Variants in TBCD observed in about 807,000 individuals in gnomAD.
TBCD encodes the protein tubulin folding cofactor D.
TBCD carries 105 observed loss-of-function variants against 169.3 expected under a neutral mutation model. The ratio of observed to expected loss-of-function variants is 0.62; its 90% CI spans 0.53 to 0.73. TBCD has a LOEUF of 0.73. Among genes scored for constraint, TBCD ranks in the 30% least tolerant of loss-of-function variants. TBCD has a pLI of 0.00. For synonymous variants in TBCD, 700 were observed against 643.9 expected (o/e 1.09, Z -1.32); for missense variants, 1,444 against 1,600.1 (o/e 0.90, Z 1.66).
At chr17:82,867,933 C>G (rs868714482) in intron 13 of TBCD, among the ~76,000 whole-genome samples, 1 of 152,098 alleles carries the variant, frequency 6.6e-6, no homozygotes, top group Non-Finnish European at 1.5e-5. Flanking sequence ...GAGCACAGGT[C>G]CCCCAGGGGG....
rs1295887039 is a variant in TBCD, at chr17:82,864,968, A to G, written c.1319-5256A>G. 6.6e-6 allele frequency among the ~76,000 whole-genome samples: 1 copy of G among 152,150 alleles called. No individual in the cohort carries two copies. Among genetic ancestry groups the G allele is most frequent in the Non-Finnish European group, 1.5e-5 (1 of 68,032 alleles). On this transcript the variant is annotated intron_variant, in intron 13 of 38. Coordinates refer to ENST00000355528, the MANE Select transcript of TBCD (RefSeq NM_005993.5). This position sits in a 1 kb window ranked among gnomAD's most constrained non-coding sequence, Gnocchi z 6.3. ...CTTGCCCCCCAAGGGCAGGCCGAGCACCAAGTCTGTGCTTGCCCCACTGTG... is the reference window on the plus strand; with the variant it reads ...CTTGCCCCCCAAGGGCAGGCCGAGCGCCAAGTCTGTGCTTGCCCCACTGTG...
At chr17:82,775,088 C>T (rs551842684) in intron 6 of TBCD, among the ~76,000 whole-genome samples, 87 of 152,344 alleles carry the variant, frequency 5.7e-4, no homozygotes, top group Non-Finnish European at 1.1e-3. Flanking sequence ...TCCGTGGGGT[C>T]CTCCGGGAAA....
chr17:82,842,815 C>G (rs1248598205), intron 13 of TBCD, among the ~76,000 whole-genome samples: 1 of 137,462 alleles, frequency 7.3e-6, no homozygotes, highest in Non-Finnish European at 1.5e-5. Context: ...GAATCTCGCT[C>G]TGTCACCCAG....
chr17:82,752,160 CG>C lies in TBCD; in HGVS notation c.-33del, dbSNP rs34420503. On this transcript the variant is annotated 5_prime_UTR_variant, in exon 1 of 39. Coordinates refer to ENST00000355528, the MANE Select transcript of TBCD (RefSeq NM_005993.5). ...TCTAGCGGAGTGGGATCTGCGAACA[CG>C]TGAGGCGGGGGCGCGGTCCCCAGGC... 9,429 of 1,486,094 alleles carry C rather than the reference CG, an allele frequency of 6.3e-3. 541 individuals are homozygous for C. In the Admixed American group the frequency reaches 0.14, roughly 22 times the overall value. The allele number at this position is 1,486,094 out of a possible 1,614,324, so 92.1% of individuals were successfully genotyped here. A position where few individuals can be genotyped will look rare whatever the true frequency, so the allele number is the denominator to read the frequency against.
chr17:82,912,204 G>A (rs2060693318), intron 23 of TBCD, among the ~76,000 whole-genome samples: 1 of 152,178 alleles, frequency 6.6e-6, no homozygotes, highest in African/African-American at 2.4e-5. Context: ...ACCAAGAGCC[G>A]TTTTGGGCGA....
intron 13 of TBCD, among the ~76,000 whole-genome samples, chr17:82,836,544 G>A (rs774177439): frequency 1.7e-4 from 26 of 152,106 alleles, no homozygotes; most frequent in Non-Finnish European, 3.5e-4. Flanking sequence ...TTCAGTTTTC[G>A]AAGCCGCATT....
At chr17:82,843,883 C>G (rs2054767610) in intron 13 of TBCD, among the ~76,000 whole-genome samples, 1 of 152,212 alleles carries the variant, frequency 6.6e-6, no homozygotes, top group South Asian at 2.1e-4. Flanking sequence ...CAACTGCAGG[C>G]TGATACTTTT....
chr17:82,942,357 C>T, intron 38 of TBCD, 92 bp from the exon 39 acceptor site: 1 of 1,579,552 alleles, frequency 6.3e-7, no homozygotes, highest in Non-Finnish European at 8.7e-7. Flanking sequence ...CGTGTCAGTC[C>T]CCACACAGGG....
chr17:82,809,695 G>A lies in TBCD; in HGVS notation c.1149-13G>A, dbSNP rs369024074. The A allele has an allele frequency of 1.8e-5, 29 of 1,612,306 alleles. No individual in the cohort carries two copies. In the Middle Eastern group the frequency reaches 6.6e-4, roughly 37 times the overall value. On this transcript the variant is annotated splice_polypyrimidine_tract_variant and intron_variant, in intron 11 of 38. Coordinates refer to ENST00000355528, the MANE Select transcript of TBCD (RefSeq NM_005993.5). ...GGTGGTGCCCCTGACGGATTGCTGC[G>A]TTTCTCTTTCAGCATCGGTAGGATG...
chr17:82,920,699 G>T lies in TBCD; in HGVS notation c.2101+81G>T. Reference sequence around the variant, plus strand: ...AAGGTAAAAATGAACCTGTTAGGATGGGGGCGATAAACGATTATAGCTTAA... The same window carrying T: ...AAGGTAAAAATGAACCTGTTAGGATTGGGGCGATAAACGATTATAGCTTAA... On this transcript the variant is annotated intron_variant, in intron 24 of 38. Coordinates refer to ENST00000355528, the MANE Select transcript of TBCD (RefSeq NM_005993.5). This position sits in a 1 kb window ranked among gnomAD's most constrained non-coding sequence, Gnocchi z 4.1. 1 of 1,233,988 alleles carries T rather than the reference G, an allele frequency of 8.1e-7. No individual in the cohort carries two copies. 76.4% of individuals were successfully genotyped at this position (1,233,988 alleles called of 1,614,324 possible). A position where few individuals can be genotyped will look rare whatever the true frequency, so the allele number is the denominator to read the frequency against.
Position 82,903,052 on chromosome 17 carries a change from C to T in TBCD, c.1731-353C>T, listed in dbSNP as rs2059995706. Among the ~76,000 whole-genome samples, 1 of 152,120 alleles carries T rather than the reference C, an allele frequency of 6.6e-6. No individual in the cohort carries two copies. The highest frequency in any genetic ancestry group is 6.5e-5 in the Admixed American group (1 of 15,268). Reference sequence around the variant, plus strand: ...GCCTCAGGAAATTCCTTCTGTTCACCCCTTGTAATCGTGGAGGGGTGGTTT... The same window carrying T: ...GCCTCAGGAAATTCCTTCTGTTCACTCCTTGTAATCGTGGAGGGGTGGTTT... On this transcript the variant is annotated intron_variant, in intron 18 of 38. Transcript: ENST00000355528. This position sits in a 1 kb window ranked among gnomAD's most constrained non-coding sequence, Gnocchi z 4.8.
intron 7 of TBCD, among the ~76,000 whole-genome samples, chr17:82,790,439 C>T (rs1052849307): frequency 6.6e-6 from 1 of 152,176 alleles, no homozygotes. Flanking sequence ...ATCTTGGCCT[C>T]GGAAGCAGGA....
rs2059003325 is a variant in TBCD, at chr17:82,889,790, C to T, written c.1563+93C>T. On this transcript the variant is annotated intron_variant, in intron 16 of 38. Coordinates refer to ENST00000355528, the MANE Select transcript of TBCD (RefSeq NM_005993.5). This position sits in a 1 kb window ranked among gnomAD's most constrained non-coding sequence, Gnocchi z 5.3. ...GCTATAACCCTGGTGTCTTCTCGCA[C>T]TGTGAGATGTGGTGTGGCTACATCA... The T allele has an allele frequency of 1.4e-6, 2 of 1,437,332 alleles. No homozygotes were observed. Among genetic ancestry groups the T allele is most frequent in the South Asian group, 1.2e-5 (1 of 83,174 alleles). 89.0% of individuals were successfully genotyped at this position (1,437,332 alleles called of 1,614,324 possible).
At chr17:82,900,967 A>G (rs9894906) in intron 18 of TBCD, among the ~76,000 whole-genome samples, 151,449 of 152,380 alleles carry the variant, frequency 0.99, 75,269 homozygotes, top group East Asian at 1. Flanking sequence ...GTACCCGTGC[A>G]AATGTCCACG....
intron 36 of TBCD, 46 bp downstream of exon 36, chr17:82,938,182 G>A (rs754050201): frequency 7.6e-6 from 12 of 1,577,976 alleles, no homozygotes; most frequent in African/African-American, 2.7e-5. Context: ...GTGGACACAA[G>A]CCCCTCAGTG....
At chr17:82,878,123 A>G (rs4986124) in intron 14 of TBCD, among the ~76,000 whole-genome samples, 146,407 of 152,278 alleles carry the variant, frequency 0.96, 70,655 homozygotes, top group East Asian at 1. Context: ...GAAGCCAGGA[A>G]GTGCAGTGTG....
chr17:82,821,990 C>G (rs953688447), intron 13 of TBCD, among the ~76,000 whole-genome samples: 3 of 152,170 alleles, frequency 2.0e-5, no homozygotes, highest in Non-Finnish European at 1.5e-5. Flanking sequence ...AGCACACGCT[C>G]TCAGTGTTCA....
intron 12 of TBCD, among the ~76,000 whole-genome samples, chr17:82,810,446 A>C (rs1219862839): frequency 6.6e-6 from 1 of 152,220 alleles, no homozygotes; most frequent in African/African-American, 2.4e-5. Flanking sequence ...CGGTCTCAGA[A>C]CAAAACTGAG....
chr17:82,929,838 T>G, intron 32 of TBCD: 1 of 459,220 alleles, frequency 2.2e-6, no homozygotes, highest in Non-Finnish European at 4.0e-6. Flanking sequence ...CATCAGGTTC[T>G]AGATCGGCCT....
Sources: gnomAD v4.1 joint callset for allele counts (sites outside exome capture counted in the v4.1 genomes callset) on GRCh38, gnomAD v4.1.1 for gene constraint, Gnocchi (gnomAD v3.1) non-coding constraint, MANE v1.5 for transcripts, NCBI Gene and HGNC (gene_info 2026-07-23, HGNC 2026-07-21) for gene names.